The following DENND5A variants were observed in gnomAD, a reference collection of about 807,000 sequenced individuals.
DENND5A encodes the protein DENN domain containing 5A.
In DENND5A, 64 loss-of-function variants were observed where a neutral mutation model predicts 140.3. The ratio of observed to expected loss-of-function variants is 0.46; its 90% CI spans 0.37 to 0.56. The LOEUF (loss-of-function observed/expected upper bound fraction) is 0.56. Among genes scored for constraint, DENND5A ranks in the 20% least tolerant of loss-of-function variants. The probability of loss-of-function intolerance (pLI) is 0.00; values close to 1 mark genes in which losing one functional copy is unlikely to be tolerated. For missense variants in DENND5A, 1,292 were observed against 1,593.8 expected, an observed-to-expected ratio of 0.81 and a Z score of 3.22; for synonymous variants, 605 against 607.7, an observed-to-expected ratio of 1.00 and a Z score of 0.07.
At chr11:9,141,127 A>AAAATAAATAAAT (rs35402073) in intron 22 of DENND5A, among the ~76,000 whole-genome samples, 1 of 151,518 alleles carries the variant, frequency 6.6e-6, no homozygotes, top group East Asian at 1.9e-4. Flanking sequence ...ACTCCATCTC[A>AAAATAAATAAAT]AAATAAATAA....
At chr11:9,257,732 C>T (rs1466788804) in intron 1 of DENND5A, among the ~76,000 whole-genome samples, 3 of 151,070 alleles carry the variant, frequency 2.0e-5, no homozygotes, top group Admixed American at 6.6e-5. Flanking sequence ...TCCGCCCACC[C>T]CGGCCTCCCA....
intron 1 of DENND5A, among the ~76,000 whole-genome samples, chr11:9,229,563 A>G (rs1850674865): frequency 6.6e-6 from 1 of 152,038 alleles, no homozygotes; most frequent in Admixed American, 6.6e-5. Flanking sequence ...TAATACCTAA[A>G]AAGTATTACC....
intron 4 of DENND5A, among the ~76,000 whole-genome samples, chr11:9,196,605 TTTTA>T (rs1029515784): frequency 6.6e-6 from 1 of 152,006 alleles, no homozygotes; most frequent in Non-Finnish European, 1.5e-5. Flanking sequence ...TCAAATTTTA[TTTTA>T]TTTATTTATT....
intron 1 of DENND5A, among the ~76,000 whole-genome samples, chr11:9,207,925 G>A (rs2136217552): frequency 6.6e-6 from 1 of 152,220 alleles, no homozygotes; most frequent in South Asian, 2.1e-4. Context: ...CGGTATAGTA[G>A]AACGAAGAGC....
chr11:9,152,228 T>C (rs1338335002), intron 13 of DENND5A, 130 bp downstream of exon 13: 5 of 737,454 alleles, frequency 6.8e-6, no homozygotes, highest in Admixed American at 2.1e-5. Context: ...GGTGGCTCCA[T>C]ATTTAAAAGA....
At chr11:9,206,820 A>C in intron 2 of DENND5A, 38 bp from the exon 3 acceptor site, 1 of 1,458,222 alleles carries the variant, frequency 6.9e-7, no homozygotes, top group African/African-American at 1.4e-5. Context: ...TTTCTACAAA[A>C]TCCCTTTAAG....
Position 9,177,391 on chromosome 11 carries a change from C to T in DENND5A, c.1906+741G>A, listed in dbSNP as rs114002661. Among the ~76,000 whole-genome samples the T allele has an allele frequency of 2.6e-3, 397 of 151,608 alleles. 1 individual carries two copies. The highest frequency in any genetic ancestry group is 8.9e-3 in the African/African-American group (368 of 41,344). ...CTGGAGCTGGGTGTGGTGGTTCATG[C>T]GCGTAATGCCAACACTTTGGGAGGC... On this transcript the variant is annotated intron_variant, in intron 8 of 22. Transcript: ENST00000328194.
At chr11:9,246,106 A>G (rs970268756) in intron 1 of DENND5A, among the ~76,000 whole-genome samples, 1 of 152,200 alleles carries the variant, frequency 6.6e-6, no homozygotes, top group Non-Finnish European at 1.5e-5. Flanking sequence ...AGTTCCTTCA[A>G]GGAAAATTCC....
chr11:9,252,469 C>T (rs552316205), intron 1 of DENND5A, among the ~76,000 whole-genome samples: 3 of 151,886 alleles, frequency 2.0e-5, no homozygotes, highest in South Asian at 2.1e-4. Context: ...GCCAACATGA[C>T]GAAAGCGTCT....
At chr11:9,158,616 T>C (rs1847884147) in intron 12 of DENND5A, among the ~76,000 whole-genome samples, 1 of 152,024 alleles carries the variant, frequency 6.6e-6, no homozygotes, top group Non-Finnish European at 1.5e-5. Flanking sequence ...GGAAACAGGC[T>C]TAGAGAAGCT....
chr11:9,211,851 G>A (rs978626925), intron 1 of DENND5A, among the ~76,000 whole-genome samples: 1 of 149,624 alleles, frequency 6.7e-6, no homozygotes, highest in Non-Finnish European at 1.5e-5. Context: ...AGAATCTCTT[G>A]AGGTTGAGGT....
intron 5 of DENND5A, among the ~76,000 whole-genome samples, chr11:9,188,577 T>C (rs1268004053): frequency 6.6e-6 from 1 of 152,104 alleles, no homozygotes; most frequent in Non-Finnish European, 1.5e-5. Context: ...CTAATAATGA[T>C]ATGGACAATG....
chr11:9,186,277 C>T (rs776793700), intron 5 of DENND5A, among the ~76,000 whole-genome samples: 1 of 152,204 alleles, frequency 6.6e-6, no homozygotes, highest in East Asian at 1.9e-4. Context: ...CCTAAAAACA[C>T]GCTACATTTT....
At chr11:9,188,809 A>C (rs1453786627) in intron 5 of DENND5A, among the ~76,000 whole-genome samples, 1 of 152,230 alleles carries the variant, frequency 6.6e-6, no homozygotes, top group African/African-American at 2.4e-5. Flanking sequence ...AAAGACATTC[A>C]GTTTTAAAAG....
In DENND5A at chr11:9,254,815, G is replaced by A. The variant is rs907060726; in HGVS notation, c.109+10146C>T. Among the ~76,000 whole-genome samples, 59 of 152,246 alleles carry A rather than the reference G, an allele frequency of 3.9e-4. 1 individual carries two copies. Among genetic ancestry groups the A allele is most frequent in the African/African-American group, 1.4e-3 (58 of 41,560 alleles). On this transcript the variant is annotated intron_variant, in intron 1 of 22. Coordinates refer to ENST00000328194, the MANE Select transcript of DENND5A (RefSeq NM_015213.4). ...CGGCAAGGTGTGGTGGTTCACACCT[G>A]TAATCCCAGCCCTTTAAGAGGCCAA...
chr11:9,259,195 G>A (rs1852083420), intron 1 of DENND5A, among the ~76,000 whole-genome samples: 1 of 152,080 alleles, frequency 6.6e-6, no homozygotes, highest in African/African-American at 2.4e-5. Context: ...AGGAGGCAGA[G>A]GTTGCAGTGA....
intron 1 of DENND5A, among the ~76,000 whole-genome samples, chr11:9,223,706 A>C (rs1363672429): frequency 6.6e-6 from 1 of 152,176 alleles, no homozygotes; most frequent in Non-Finnish European, 1.5e-5. Flanking sequence ...GCAACAGAGC[A>C]AGCAAGAGAG....
At chr11:9,188,678 C>A (rs763650173) in intron 5 of DENND5A, among the ~76,000 whole-genome samples, 3 of 152,138 alleles carry the variant, frequency 2.0e-5, no homozygotes, top group Non-Finnish European at 2.9e-5. Flanking sequence ...AAGAGACTGG[C>A]GGCATTTTGC....
chr11:9,176,169 T>C (rs1008392753), intron 8 of DENND5A, among the ~76,000 whole-genome samples: 4 of 152,212 alleles, frequency 2.6e-5, no homozygotes, highest in South Asian at 2.1e-4. Context: ...AGTTAGAACA[T>C]AGGTTCCTGA....
Sources: gnomAD v4.1 joint callset for allele counts (sites outside exome capture counted in the v4.1 genomes callset) on GRCh38, gnomAD v4.1.1 for gene constraint, MANE v1.5 for transcripts, NCBI Gene and HGNC (gene_info 2026-07-23, HGNC 2026-07-21) for gene names.